Variants in MAST4 observed in about 807,000 individuals in gnomAD.
The protein encoded by MAST4 is microtubule associated serine/threonine kinase family member 4.
A neutral mutation model predicts 162.7 loss-of-function variants in MAST4; 89 were observed. The ratio of observed to expected loss-of-function variants is 0.55; its 90% CI spans 0.46 to 0.65. The LOEUF is 0.65. MAST4 is among the 30% of genes least tolerant of loss of function. MAST4 has a pLI of 0.00. For missense variants in MAST4, 3,153 were observed against 3,374.0 expected (o/e 0.93, Z 1.62); for synonymous variants, 1,479 against 1,361.1 (o/e 1.09, Z -1.91).
intron 14 of MAST4, among the ~76,000 whole-genome samples, chr5:67,125,062 G>C (rs1768053308): frequency 6.6e-6 from 1 of 151,988 alleles, no homozygotes; most frequent in Non-Finnish European, 1.5e-5. Flanking sequence ...ATACGTCCAA[G>C]GCTCCTCAGC....
intron 3 of MAST4, among the ~76,000 whole-genome samples, chr5:66,805,748 A>G (rs1026656118): frequency 2.6e-5 from 4 of 152,158 alleles, no homozygotes; most frequent in African/African-American, 9.7e-5. Flanking sequence ...GCAGAACTCA[A>G]TGATGACTGA....
chr5:66,789,709 T>G (rs757177668), intron 3 of MAST4: 1 of 518,776 alleles, frequency 1.9e-6, no homozygotes, highest in South Asian at 1.4e-5. Context: ...CCAGTCAAAG[T>G]GTTGCCTGAT....
intron 4 of MAST4, among the ~76,000 whole-genome samples, chr5:67,043,760 C>G (rs1458745120): frequency 1.3e-5 from 2 of 152,086 alleles, no homozygotes; most frequent in Non-Finnish European, 2.9e-5. Context: ...TCTTCCCTAC[C>G]CCCAGCACAC....
chr5:66,742,774 G>C (rs547710455), intron 1 of MAST4, among the ~76,000 whole-genome samples: 1 of 152,150 alleles, frequency 6.6e-6, no homozygotes, highest in East Asian at 1.9e-4. Context: ...GCAAGCGGAG[G>C]TGTCAGGCCT....
chr5:67,146,792 G>T (rs145253814), intron 23 of MAST4, among the ~76,000 whole-genome samples: 1 of 152,122 alleles, frequency 6.6e-6, no homozygotes, highest in Non-Finnish European at 1.5e-5. Flanking sequence ...ATAAAGCCAA[G>T]AGAACAGCAA....
At chr5:66,753,579 C>CA (rs1753329256) in intron 1 of MAST4, among the ~76,000 whole-genome samples, 1 of 151,756 alleles carries the variant, frequency 6.6e-6, no homozygotes, top group African/African-American at 2.4e-5. Context: ...TCAATGCATA[C>CA]ACCCTCCTAA....
chr5:67,076,993 A>G (rs1761732857), intron 5 of MAST4, among the ~76,000 whole-genome samples: 1 of 152,166 alleles, frequency 6.6e-6, no homozygotes, highest in African/African-American at 2.4e-5. Flanking sequence ...CTACAGTTGG[A>G]GAATTAACTG....
rs1284807907 is a variant in MAST4 at position 67,164,094 on chromosome 5, G to C, written c.4915G>C (p.Ala1639Pro). The change falls in exon 29 of 29, where the codon GCC becomes CCC. Residue 1639 changes from alanine to proline, a missense_variant. This residue lies in a region of MAST4 where 1,644 missense variants were observed against 1,495.0 expected (regional missense o/e 1.10). Coordinates refer to ENST00000403625, the MANE Select transcript of MAST4 (RefSeq NM_001164664.2). This position sits in a 1 kb window ranked among gnomAD's most constrained non-coding sequence, Gnocchi z 5.3. ...CCAGGGTGGCGGGGACTTCAGACGGGCCCCCGCTCCTGGCACCCTCCAGGA... is the reference window on the plus strand; with the variant it reads ...CCAGGGTGGCGGGGACTTCAGACGGCCCCCCGCTCCTGGCACCCTCCAGGA... Reference protein sequence around the residue: ...HRQGGGDFRRAPAPGTLQDGL... With the variant: ...HRQGGGDFRRPPAPGTLQDGL... 1 of 1,572,726 alleles carries C rather than the reference G, an allele frequency of 6.4e-7. No homozygotes were observed. The highest frequency in any genetic ancestry group is 8.6e-7 in the Non-Finnish European group (1 of 1,158,510).
At chr5:66,823,029 G>C (rs553862560) in intron 3 of MAST4, among the ~76,000 whole-genome samples, 5 of 152,272 alleles carry the variant, frequency 3.3e-5, no homozygotes, top group African/African-American at 1.2e-4. Context: ...CATGGGGGCA[G>C]TTTCCCCCAT....
chr5:66,612,705 G>A (rs982122496), intron 1 of MAST4, among the ~76,000 whole-genome samples: 1 of 152,112 alleles, frequency 6.6e-6, no homozygotes, highest in African/African-American at 2.4e-5. Flanking sequence ...CCAACCTGAT[G>A]GATTTATCTG....
intron 3 of MAST4, among the ~76,000 whole-genome samples, chr5:66,894,385 C>T (rs948499112): frequency 6.6e-6 from 1 of 152,180 alleles, no homozygotes; most frequent in South Asian, 2.1e-4. Context: ...TTTCTCTCCT[C>T]TGTTAGCATT....
At position 67,163,256 on chromosome 5, in the gene MAST4, C is replaced by T. The variant is rs1233894127; in HGVS notation, c.4077C>T (p.Gly1359=). Residue 1359 remains glycine (G), a synonymous_variant, in exon 29 of 29, where the codon GGC becomes GGT. Coordinates refer to ENST00000403625, the MANE Select transcript of MAST4 (RefSeq NM_001164664.2). The surrounding 1 kb of genome is among the most constrained non-coding windows in gnomAD (Gnocchi z 7.0). Reference sequence around the variant, plus strand: ...TCCACGGTCTTGCACCCAAACTCGGCGGGCAGCGGTACCGGTCCGGAAGGC... The same window carrying T: ...TCCACGGTCTTGCACCCAAACTCGGTGGGCAGCGGTACCGGTCCGGAAGGC... ...STLHGLAPKL[G]GQRYRSGRRK... 3 of 1,613,560 alleles carry T rather than the reference C, an allele frequency of 1.9e-6. No homozygotes were observed. Among genetic ancestry groups the T allele is most frequent in the Non-Finnish European group, 1.7e-6 (2 of 1,179,890 alleles).
At chr5:66,797,097 C>G (rs947191386) in intron 3 of MAST4, among the ~76,000 whole-genome samples, 3 of 152,126 alleles carry the variant, frequency 2.0e-5, no homozygotes, top group African/African-American at 4.8e-5. Flanking sequence ...GGACAGGTTC[C>G]CCTCTGGTGG....
At chr5:66,830,682 T>G (rs531277658) in intron 3 of MAST4, among the ~76,000 whole-genome samples, 2 of 152,302 alleles carry the variant, frequency 1.3e-5, no homozygotes, top group African/African-American at 2.4e-5. Context: ...TTACTCCCAT[T>G]GCATCTAACA....
intron 1 of MAST4, among the ~76,000 whole-genome samples, chr5:66,601,906 T>C (rs952258655): frequency 6.6e-6 from 1 of 152,154 alleles, no homozygotes; most frequent in African/African-American, 2.4e-5. Context: ...AGAGTTGGAA[T>C]TGATAACCTG....
intron 3 of MAST4, chr5:66,789,834 T>G (rs909000782): frequency 8.1e-6 from 4 of 496,008 alleles, no homozygotes; most frequent in Non-Finnish European, 1.2e-5. Flanking sequence ...CCATTGATGA[T>G]TCTTGCCTGG....
At chr5:66,816,145 C>T (rs758337220) in intron 3 of MAST4, among the ~76,000 whole-genome samples, 1 of 152,160 alleles carries the variant, frequency 6.6e-6, no homozygotes, top group African/African-American at 2.4e-5. Flanking sequence ...CTTGTCTAAC[C>T]CGCAGCCCAG....
Position 67,163,026 on chromosome 5 carries a change from C to G in MAST4, c.3968-121C>G. 3.3e-6 allele frequency: 4 copies of G among 1,206,106 alleles called. No individual in the cohort carries two copies. Among genetic ancestry groups the G allele is most frequent in the African/African-American group, 1.5e-5 (1 of 65,754 alleles). 74.7% of individuals were successfully genotyped at this position (1,206,106 alleles called of 1,614,324 possible). A position where few individuals can be genotyped will look rare whatever the true frequency, so the allele number is the denominator to read the frequency against. On this transcript the variant is annotated intron_variant, in intron 28 of 28. Transcript: ENST00000403625. The surrounding 1 kb of genome is among the most constrained non-coding windows in gnomAD (Gnocchi z 7.0). Reference sequence around the variant, plus strand: ...ATCTGAAAAGTGTTTATTCCACTAGCTAAATGCTGAGACAATTTGCTGATC... The same window carrying G: ...ATCTGAAAAGTGTTTATTCCACTAGGTAAATGCTGAGACAATTTGCTGATC...
intron 1 of MAST4, among the ~76,000 whole-genome samples, chr5:66,695,187 A>G (rs1044316014): frequency 6.6e-6 from 1 of 152,154 alleles, no homozygotes; most frequent in Non-Finnish European, 1.5e-5. Flanking sequence ...TCTTGAGTTA[A>G]TTGTCTAAGG....
Sources: gnomAD v4.1 joint callset for allele counts (sites outside exome capture counted in the v4.1 genomes callset) on GRCh38, gnomAD v4.1.1 for gene constraint, gnomAD v4.1.1 regional missense constraint, Gnocchi (gnomAD v3.1) non-coding constraint, MANE v1.5 for transcripts, NCBI Gene and HGNC (gene_info 2026-07-23, HGNC 2026-07-21) for gene names.